TRERF1: variants seen among roughly 807,000 people sequenced by gnomAD.
TRERF1 encodes the protein transcriptional regulating factor 1.
In TRERF1, 27 loss-of-function variants were observed where a neutral mutation model predicts 122.9. The observed-to-expected ratio is 0.22, with a 90% CI of 0.16 to 0.30. TRERF1 has a LOEUF of 0.30. Ranked by LOEUF, TRERF1 falls within the 10% of genes least tolerant of loss-of-function variation. The pLI, the probability that TRERF1 is intolerant of heterozygous loss-of-function variation, is 1.00. For missense variants in TRERF1, 1,248 were observed against 1,560.3 expected, an observed-to-expected ratio of 0.80 and a Z score of 3.37; for synonymous variants, 636 against 641.7, an observed-to-expected ratio of 0.99 and a Z score of 0.13.
At chr6:42,325,695 G>A (rs1764171730) in intron 3 of TRERF1, among the ~76,000 whole-genome samples, 1 of 152,152 alleles carries the variant, frequency 6.6e-6, no homozygotes, top group Non-Finnish European at 1.5e-5. Flanking sequence ...AGAACACGGT[G>A]AAACCCTGCC....
rs1561875915 is a variant in TRERF1, at chr6:42,269,407, G to A, written c.184C>T (p.Arg62Trp). Residue 62 changes from arginine (R) to tryptophan (W), a missense_variant, in exon 5 of 18, where the codon CGG (arginine) becomes TGG (tryptophan). Physicochemically the swap from Arg to Trp is moderately radical, Grantham distance 101. Coordinates refer to ENST00000372922, the Ensembl canonical transcript of TRERF1. The surrounding 1 kb of genome is among the most constrained non-coding windows in gnomAD (Gnocchi z 4.9). ...CCAACAGGCAAGCCCAGACCATCCC[G>A]TGTATCTTGAGGGAAGTGGGGGGAG... 10 of 1,614,216 alleles carry A rather than the reference G, an allele frequency of 6.2e-6. No homozygotes were observed. The highest frequency in any genetic ancestry group is 1.7e-5 in the Admixed American group (1 of 60,026).
intron 2 of TRERF1, among the ~76,000 whole-genome samples, chr6:42,426,431 T>C (rs1457704671): frequency 6.6e-6 from 1 of 152,212 alleles, no homozygotes; most frequent in Non-Finnish European, 1.5e-5. Context: ...GGGTGTTCAC[T>C]AGAACCTTTC....
At chr6:42,368,748 GT>G (rs1325830161) in intron 2 of TRERF1, among the ~76,000 whole-genome samples, 1 of 152,120 alleles carries the variant, frequency 6.6e-6, no homozygotes, top group Non-Finnish European at 1.5e-5. Context: ...ATTATTTGAT[GT>G]TTTACTACAT....
At chr6:42,242,135 A>G (rs1266993981) in intron 15 of TRERF1, among the ~76,000 whole-genome samples, 1 of 152,202 alleles carries the variant, frequency 6.6e-6, no homozygotes, top group East Asian at 1.9e-4. Flanking sequence ...GCTCTTAACT[A>G]CACAAGGGAA....
intron 14 of TRERF1, among the ~76,000 whole-genome samples, chr6:42,244,452 G>A (rs111471951): frequency 1.6e-3 from 251 of 152,320 alleles, no homozygotes; most frequent in African/African-American, 5.8e-3. Context: ...CCAAAGTGCT[G>A]GGATTACAGG....
chr6:42,232,554 C>G lies in TRERF1; in HGVS notation c.3278+127G>C, dbSNP rs899987510. The G allele has an allele frequency of 2.4e-6, 3 of 1,247,782 alleles. No individual in the cohort carries two copies. Among genetic ancestry groups the G allele is most frequent in the Non-Finnish European group, 3.2e-6 (3 of 923,824 alleles). 77.3% of individuals were successfully genotyped at this position (1,247,782 alleles called of 1,614,324 possible). ...CTACATACCCATCCCAAAGATGACACGAAGAAGAGTTTTGAGGTCTAAGTT... is the reference window on the plus strand; with the variant it reads ...CTACATACCCATCCCAAAGATGACAGGAAGAAGAGTTTTGAGGTCTAAGTT... On this transcript the variant is annotated intron_variant, in intron 17 of 17. Coordinates refer to ENST00000372922, the Ensembl canonical transcript of TRERF1. The surrounding 1 kb of genome is among the most constrained non-coding windows in gnomAD (Gnocchi z 4.5).
At chr6:42,262,471 G>C (rs1407130167) in intron 8 of TRERF1, among the ~76,000 whole-genome samples, 13 of 1,946 alleles carry the variant, frequency 6.7e-3, no homozygotes, top group African/African-American at 0.017. Flanking sequence ...AGAGAGGAGA[G>C]AGAGAGAGAG....
At chr6:42,380,097 C>A (rs1775655521) in intron 2 of TRERF1, among the ~76,000 whole-genome samples, 2 of 152,076 alleles carry the variant, frequency 1.3e-5, no homozygotes, top group East Asian at 3.9e-4. Context: ...CATGCAGATA[C>A]CTGGGGGAAG....
chr6:42,368,147 G>T (rs1248738813), intron 2 of TRERF1, among the ~76,000 whole-genome samples: 1 of 152,100 alleles, frequency 6.6e-6, no homozygotes, highest in African/African-American at 2.4e-5. Context: ...CGTGGAATGG[G>T]CCCTGCATCC....
exon 18 of TRERF1, chr6:42,227,394 C>T (rs1769699563): frequency 6.6e-6 from 1 of 152,230 alleles, no homozygotes; most frequent in Admixed American, 6.5e-5. Flanking sequence ...CAGAACTCCA[C>T]TAATCATTAA....
intron 4 of TRERF1, among the ~76,000 whole-genome samples, chr6:42,290,139 T>C (rs10948031): frequency 0.4 from 61,388 of 151,964 alleles, 13,198 homozygotes; most frequent in African/African-American, 0.55. Context: ...CCGGTGAACA[T>C]GGGCCCAGCG....
chr6:42,285,930 G>A (rs1783134992), intron 4 of TRERF1, among the ~76,000 whole-genome samples: 1 of 151,000 alleles, frequency 6.6e-6, no homozygotes, highest in Non-Finnish European at 1.5e-5. Flanking sequence ...GCATGGTACT[G>A]GTACCAAAAC....
intron 3 of TRERF1, among the ~76,000 whole-genome samples, chr6:42,341,355 T>C (rs1307155835): frequency 3.9e-5 from 6 of 152,206 alleles, no homozygotes; most frequent in African/African-American, 1.2e-4. Context: ...CTTATCACCA[T>C]AGTGAAAACA....
intron 2 of TRERF1, among the ~76,000 whole-genome samples, chr6:42,432,842 CAA>C (rs10557615): frequency 0.24 from 26,665 of 110,612 alleles, 2,225 homozygotes; most frequent in African/African-American, 0.3. Flanking sequence ...GACTCTGTCT[CAA>C]AAAAAAAAAA....
intron 15 of TRERF1, among the ~76,000 whole-genome samples, chr6:42,238,080 G>A (rs766322796): frequency 3.3e-5 from 5 of 152,160 alleles, no homozygotes; most frequent in Non-Finnish European, 7.3e-5. Context: ...ATTTCACTTA[G>A]GTGGTCTTAT....
rs56102661 is a variant in TRERF1 at position 42,268,239 on chromosome 6, C to T, written c.1352G>A (p.Arg451His). 1.7e-5 allele frequency: 25 copies of T among 1,494,968 alleles called. No individual in the cohort carries two copies. Among genetic ancestry groups the T allele is most frequent in the African/African-American group, 5.6e-5 (4 of 71,118 alleles). The allele number at this position is 1,494,968 out of a possible 1,614,324, so 92.6% of individuals were successfully genotyped here. A position where few individuals can be genotyped will look rare whatever the true frequency, so the allele number is the denominator to read the frequency against. Residue 451 changes from arginine (R) to histidine (H), a missense_variant, in exon 5 of 18, where the codon CGC (arginine) becomes CAC (histidine). Physicochemically the swap from Arg to His is conservative, Grantham distance 29. Coordinates refer to ENST00000372922, the Ensembl canonical transcript of TRERF1. The surrounding 1 kb of genome is among the most constrained non-coding windows in gnomAD (Gnocchi z 4.4). ...GATCCCACTGGGGGATAGGAGGGGG[C>T]GATGGGGGAGGGTGCTGCTGACCCG...
intron 2 of TRERF1, among the ~76,000 whole-genome samples, chr6:42,398,404 T>C (rs1778932650): frequency 6.6e-6 from 1 of 152,138 alleles, no homozygotes; most frequent in African/African-American, 2.4e-5. Flanking sequence ...GGTCCTTATT[T>C]TCCTAAGCAC....
rs564463430 is a variant in TRERF1 at position 42,451,680 on chromosome 6, G to C, written c.-539+341C>G. Among the ~76,000 whole-genome samples the C allele has an allele frequency of 2.7e-5, 4 of 147,286 alleles. No homozygotes were observed. The East Asian group carries it at 8.2e-4, about 30-fold the overall frequency. ...TCCCCGGCCAGAAACTTACTAGTGA[G>C]CAAGCGTGCAGGCTCTCCTGATGCT... On this transcript the variant is annotated intron_variant, in intron 1 of 17. Coordinates refer to ENST00000372922, the Ensembl canonical transcript of TRERF1.
intron 3 of TRERF1, among the ~76,000 whole-genome samples, chr6:42,309,221 A>G (rs1454006516): frequency 6.6e-6 from 1 of 152,130 alleles, no homozygotes; most frequent in Non-Finnish European, 1.5e-5. Context: ...GACTGATACT[A>G]TTTACCTACT....
Sources: gnomAD v4.1 joint callset for allele counts (sites outside exome capture counted in the v4.1 genomes callset) on GRCh38, gnomAD v4.1.1 for gene constraint, Gnocchi (gnomAD v3.1) non-coding constraint, MANE v1.5 for transcripts, NCBI Gene and HGNC (gene_info 2026-07-23, HGNC 2026-07-21) for gene names.